GMDS: variants seen among roughly 807,000 people sequenced by gnomAD.
GMDS encodes GDP-mannose 4,6-dehydratase, also known as GDP-mannose 4,6 dehydratase.
A neutral mutation model predicts 49.9 loss-of-function variants in GMDS; 20 were observed. That is an observed-to-expected ratio of 0.40 (90% confidence interval 0.28 to 0.58). The LOEUF (loss-of-function observed/expected upper bound fraction) is 0.58. GMDS is among the 20% of genes least tolerant of loss of function. GMDS has a pLI of 0.42. For missense variants in GMDS, 362 were observed against 481.4 expected (o/e 0.75, Z 2.32); for synonymous variants, 177 against 178.6 (o/e 0.99, Z 0.07).
At chr6:1,867,408 C>T (rs775510892) in intron 7 of GMDS, among the ~76,000 whole-genome samples, 3 of 152,170 alleles carry the variant, frequency 2.0e-5, no homozygotes, top group Non-Finnish European at 4.4e-5. Context: ...AGGTAACGAT[C>T]GGTAGGATGA....
At chr6:1,959,539 T>G (rs1763824099) in intron 6 of GMDS, among the ~76,000 whole-genome samples, 1 of 152,202 alleles carries the variant, frequency 6.6e-6, no homozygotes, top group African/African-American at 2.4e-5. Context: ...AAACAATCAT[T>G]AGTTTACTAC....
At chr6:1,737,660 CCACA>C (rs148967304) in intron 8 of GMDS, among the ~76,000 whole-genome samples, 3 of 148,174 alleles carry the variant, frequency 2.0e-5, no homozygotes, top group Non-Finnish European at 3.0e-5. Context: ...CATACACACA[CCACA>C]CACACAGATA....
chr6:2,170,312 CAT>C (rs1043820200), intron 1 of GMDS, among the ~76,000 whole-genome samples: 9 of 152,054 alleles, frequency 5.9e-5, no homozygotes, highest in African/African-American at 2.2e-4. Context: ...TCCTTGTTAC[CAT>C]ATGTTCTAAA....
At chr6:2,014,064 T>A (rs928893491) in intron 4 of GMDS, among the ~76,000 whole-genome samples, 1 of 148,896 alleles carries the variant, frequency 6.7e-6, no homozygotes. Flanking sequence ...TTTAAAAGTA[T>A]TAAAAGAAAA....
rs115296468 is a variant in GMDS, at chr6:2,200,439, C to T, written c.102+44882G>A. Among the ~76,000 whole-genome samples the T allele has an allele frequency of 4.2e-3, 632 of 149,044 alleles. 4 individuals are homozygous for T. Among genetic ancestry groups the T allele is most frequent in the African/African-American group, 0.015 (594 of 40,286 alleles). On this transcript the variant is annotated intron_variant, in intron 1 of 10. Transcript: ENST00000380815. ...GACATCCGAGATGTAACCATCCAGG[C>T]AGTGAGGGCAGCATGTTAGCAGAGA...
chr6:2,194,485 G>C (rs1458290781), intron 1 of GMDS, among the ~76,000 whole-genome samples: 2 of 152,082 alleles, frequency 1.3e-5, no homozygotes, highest in Admixed American at 6.5e-5. Flanking sequence ...TCAGCTAAAA[G>C]TATTATAACA....
chr6:2,173,918 T>C (rs1778144945), intron 1 of GMDS, among the ~76,000 whole-genome samples: 1 of 152,208 alleles, frequency 6.6e-6, no homozygotes, highest in African/African-American at 2.4e-5. Context: ...CAGGTTAGCA[T>C]CGCCAATTTA....
intron 9 of GMDS, among the ~76,000 whole-genome samples, chr6:1,684,802 T>C (rs1390039203): frequency 6.6e-6 from 1 of 152,160 alleles, no homozygotes; most frequent in East Asian, 1.9e-4. Context: ...GATTTTTATT[T>C]TAAATAAATT....
At chr6:1,757,686 T>G (rs1158191879) in intron 7 of GMDS, among the ~76,000 whole-genome samples, 2 of 152,238 alleles carry the variant, frequency 1.3e-5, no homozygotes, top group Non-Finnish European at 2.9e-5. Flanking sequence ...TTGGTTGAAG[T>G]GTTGACAATC....
At chr6:1,741,695 C>T (rs1441206047) in intron 8 of GMDS, among the ~76,000 whole-genome samples, 6 of 150,296 alleles carry the variant, frequency 4.0e-5, no homozygotes, top group South Asian at 4.2e-4. Flanking sequence ...GCCTGTAATC[C>T]CAGCTACTTG....
chr6:2,190,829 C>T (rs768404987), intron 1 of GMDS, among the ~76,000 whole-genome samples: 3 of 152,144 alleles, frequency 2.0e-5, no homozygotes, highest in Non-Finnish European at 4.4e-5. Flanking sequence ...GCAGGAGCGG[C>T]TGCAGGAGCA....
At chr6:1,957,423 A>T (rs903654118) in intron 6 of GMDS, among the ~76,000 whole-genome samples, 1 of 152,252 alleles carries the variant, frequency 6.6e-6, no homozygotes, top group African/African-American at 2.4e-5. Flanking sequence ...TTAATGATCA[A>T]GTTTTAAGAA....
chr6:1,995,871 T>G (rs1217282453), intron 4 of GMDS, among the ~76,000 whole-genome samples: 1 of 127,880 alleles, frequency 7.8e-6, no homozygotes, highest in Admixed American at 7.6e-5. Context: ...CATTTCCTTC[T>G]TTTTGGTGAT....
Position 1,723,299 on chromosome 6 carries a change from A to AT in GMDS, c.987+3116dup, listed in dbSNP as rs377588647. ...AGTGTTCTGAGACCTGATGTGTCCT[A>AT]TTTTTTTTTTTTCAAATTTTCTTTA... On this transcript the variant is annotated intron_variant, in intron 9 of 10. Coordinates refer to ENST00000380815, the MANE Select transcript of GMDS (RefSeq NM_001500.4). Among the ~76,000 whole-genome samples the AT allele has an allele frequency of 7.6e-3, 1,014 of 133,724 alleles. 8 individuals are homozygous for AT. Among genetic ancestry groups the AT allele is most frequent in the African/African-American group, 0.022 (735 of 34,116 alleles). The allele number at this position is 133,724 out of a possible 152,430, so 87.7% of individuals were successfully genotyped here.
At chr6:1,878,853 T>C (rs533864112) in intron 7 of GMDS, among the ~76,000 whole-genome samples, 1 of 152,180 alleles carries the variant, frequency 6.6e-6, no homozygotes, top group East Asian at 1.9e-4. Context: ...AAAAAGCAAA[T>C]GACAGAAAGC....
At position 1,833,512 on chromosome 6, in the gene GMDS, T is replaced by G. The variant is rs1756775536; in HGVS notation, c.772-90926A>C. Among the ~76,000 whole-genome samples, 2 of 152,150 alleles carry G rather than the reference T, an allele frequency of 1.3e-5. No homozygotes were observed. On this transcript the variant is annotated intron_variant, in intron 7 of 10. Transcript: ENST00000380815. This position sits in a 1 kb window ranked among gnomAD's most constrained non-coding sequence, Gnocchi z 4.4. ...CAGCACACATTTTTAAAACTTTTTT[T>G]TTTTGCCTTTTCTTCCTTTCCCTTC...
intron 7 of GMDS, among the ~76,000 whole-genome samples, chr6:1,865,676 C>T (rs1250929727): frequency 3.3e-5 from 5 of 152,108 alleles, no homozygotes; most frequent in Admixed American, 3.3e-4. Context: ...AAAAATAACG[C>T]TGAATTAAAG....
intron 4 of GMDS, among the ~76,000 whole-genome samples, chr6:2,031,306 A>G (rs934664823): frequency 1.3e-5 from 2 of 152,188 alleles, no homozygotes; most frequent in African/African-American, 4.8e-5. Flanking sequence ...AAAAGCTGGA[A>G]ATTCACTCAT....
intron 9 of GMDS, among the ~76,000 whole-genome samples, chr6:1,694,163 T>G (rs573820134): frequency 6.6e-6 from 1 of 152,326 alleles, no homozygotes; most frequent in East Asian, 1.9e-4. Context: ...CCAATTACTC[T>G]CTTTTACTGA....
Sources: allele counts gnomAD v4.1 joint callset (sites outside exome capture counted in the v4.1 genomes callset), GRCh38; gene constraint gnomAD v4.1.1; non-coding constraint Gnocchi (gnomAD v3.1); transcripts MANE v1.5; gene names NCBI Gene and HGNC (gene_info 2026-07-23, HGNC 2026-07-21).